The following CDH13 variants were observed in gnomAD, a reference collection of about 807,000 sequenced individuals.
CDH13 encodes the protein cadherin-13.
CDH13 carries 24 observed loss-of-function variants against 63.8 expected under a neutral mutation model. That is an observed-to-expected ratio of 0.38 (90% CI 0.27 to 0.53). The LOEUF (loss-of-function observed/expected upper bound fraction) is 0.53. CDH13 is among the 20% of genes least tolerant of loss of function. The pLI is 0.85. For synonymous variants in CDH13, 503 were observed against 355.3 expected (o/e 1.42, Z -4.67); for missense variants, 1,049 against 903.1 (o/e 1.16, Z -2.07).
intron 2 of CDH13, among the ~76,000 whole-genome samples, chr16:82,961,760 C>G (rs994949176): frequency 3.9e-5 from 6 of 152,042 alleles, no homozygotes; most frequent in African/African-American, 1.2e-4. Flanking sequence ...CTTTGGTTCT[C>G]AAGTTGGGGT....
At chr16:82,986,302 T>G (rs2151393455) in intron 2 of CDH13, among the ~76,000 whole-genome samples, 1 of 152,240 alleles carries the variant, frequency 6.6e-6, no homozygotes, top group East Asian at 1.9e-4. Context: ...CATGTGGAGG[T>G]CAGTGACAAA....
chr16:83,237,221 A>G (rs550005863), intron 5 of CDH13, among the ~76,000 whole-genome samples: 4 of 152,232 alleles, frequency 2.6e-5, no homozygotes, highest in Non-Finnish European at 5.9e-5. Context: ...GCAGAAGAGC[A>G]GCCTCTGCCT....
At chr16:83,210,897 C>T (rs370890030) in intron 4 of CDH13, among the ~76,000 whole-genome samples, 1 of 150,960 alleles carries the variant, frequency 6.6e-6, no homozygotes, top group African/African-American at 2.4e-5. Context: ...TGCTTCTAAT[C>T]CGAGCACTTT....
chr16:83,379,323 C>T (rs1350972450), intron 6 of CDH13, among the ~76,000 whole-genome samples: 1 of 152,198 alleles, frequency 6.6e-6, no homozygotes, highest in East Asian at 1.9e-4. Flanking sequence ...GCTGTTGACT[C>T]TTCTACGTCC....
At chr16:83,273,993 C>T (rs569580309) in intron 5 of CDH13, among the ~76,000 whole-genome samples, 151 of 152,278 alleles carry the variant, frequency 9.9e-4, no homozygotes, top group African/African-American at 3.2e-3. Context: ...GACCACATTG[C>T]TTACACTTTC....
intron 2 of CDH13, among the ~76,000 whole-genome samples, chr16:82,876,410 T>C (rs2040504959): frequency 6.6e-6 from 1 of 152,242 alleles, no homozygotes; most frequent in Non-Finnish European, 1.5e-5. Context: ...TGAAAGAACA[T>C]GCAACCCACA....
At chr16:82,861,879 T>A (rs997079905) in intron 2 of CDH13, among the ~76,000 whole-genome samples, 2 of 152,128 alleles carry the variant, frequency 1.3e-5, no homozygotes, top group African/African-American at 4.8e-5. Flanking sequence ...TTTCAGAGAG[T>A]GATGCAAAGC....
intron 1 of CDH13, among the ~76,000 whole-genome samples, chr16:82,796,670 A>G (rs563487797): frequency 2.4e-4 from 36 of 152,360 alleles, no homozygotes; most frequent in Middle Eastern, 6.8e-3. Flanking sequence ...GCCTCGCTCA[A>G]TCAGAATGGA....
At chr16:83,511,382 A>T (rs2074561132) in intron 7 of CDH13, among the ~76,000 whole-genome samples, 1 of 152,080 alleles carries the variant, frequency 6.6e-6, no homozygotes, top group Non-Finnish European at 1.5e-5. Context: ...AGATTGCTTG[A>T]ACCAGGGAGG....
chr16:83,223,002 C>T (rs1226843850), intron 5 of CDH13, among the ~76,000 whole-genome samples: 1 of 152,022 alleles, frequency 6.6e-6, no homozygotes, highest in African/African-American at 2.4e-5. Flanking sequence ...ACCCCCCACC[C>T]ACACACACAC....
intron 7 of CDH13, among the ~76,000 whole-genome samples, chr16:83,560,272 C>T (rs2075680800): frequency 6.6e-6 from 1 of 152,186 alleles, no homozygotes; most frequent in Non-Finnish European, 1.5e-5. Context: ...TAGTTTCCAG[C>T]TCTGAAACCT....
intron 10 of CDH13, among the ~76,000 whole-genome samples, chr16:83,680,680 G>A (rs531284006): frequency 7.5e-4 from 114 of 152,242 alleles, no homozygotes; most frequent in African/African-American, 2.7e-3. Flanking sequence ...GGGAGAAGCT[G>A]GAACGCAGAA....
chr16:82,834,317 G>C (rs1458893429), intron 1 of CDH13, among the ~76,000 whole-genome samples: 1 of 152,152 alleles, frequency 6.6e-6, no homozygotes, highest in Non-Finnish European at 1.5e-5. Context: ...ACAGAGGCAA[G>C]AGAGAGATTT....
chr16:82,808,699 G>A (rs1447942321), intron 1 of CDH13, among the ~76,000 whole-genome samples: 1 of 152,166 alleles, frequency 6.6e-6, no homozygotes, highest in African/African-American at 2.4e-5. Flanking sequence ...GCACAGGTTA[G>A]GCAATTTTAT....
chr16:83,675,785 A>G (rs1049341430), intron 9 of CDH13, among the ~76,000 whole-genome samples: 1 of 152,206 alleles, frequency 6.6e-6, no homozygotes, highest in African/African-American at 2.4e-5. Context: ...AAAAATAGGG[A>G]ATTTAAAAGG....
At chr16:83,311,894 G>C (rs542503442) in intron 5 of CDH13, among the ~76,000 whole-genome samples, 3 of 152,050 alleles carry the variant, frequency 2.0e-5, no homozygotes, top group Non-Finnish European at 4.4e-5. Context: ...GACCAAAATG[G>C]AGAAACCCCG....
At chr16:82,982,869 A>C (rs1400661340) in intron 2 of CDH13, among the ~76,000 whole-genome samples, 1 of 152,180 alleles carries the variant, frequency 6.6e-6, no homozygotes. Flanking sequence ...TTTCAGTGAG[A>C]AGAAGTAAAT....
intron 2 of CDH13, among the ~76,000 whole-genome samples, chr16:82,989,894 G>T (rs981377027): frequency 2.0e-5 from 3 of 151,918 alleles, no homozygotes; most frequent in Non-Finnish European, 4.4e-5. Context: ...ATTCTCTCTA[G>T]CCCCACGTCT....
At chr16:83,116,018 C>A (rs995314174) in intron 3 of CDH13, among the ~76,000 whole-genome samples, 10 of 152,208 alleles carry the variant, frequency 6.6e-5, no homozygotes, top group African/African-American at 2.4e-4. Context: ...AGGATCATTC[C>A]TCTCAAATCT....
Sources: gnomAD v4.1 joint callset for allele counts (sites outside exome capture counted in the v4.1 genomes callset) on GRCh38, gnomAD v4.1.1 for gene constraint, MANE v1.5 for transcripts, NCBI Gene and HGNC (gene_info 2026-07-23, HGNC 2026-07-21) for gene names.